Variants in DIP2C observed in about 807,000 individuals in gnomAD.
DIP2C encodes DIP2 acetate--CoA ligase C (putative).
DIP2C carries 33 observed loss-of-function variants against 192.4 expected under a neutral mutation model. That is an observed-to-expected ratio of 0.17 (90% CI 0.13 to 0.23). The LOEUF (loss-of-function observed/expected upper bound fraction) is 0.23. DIP2C is among the 10% of genes least tolerant of loss of function. DIP2C has a pLI of 1.00. For synonymous variants in DIP2C, 979 were observed against 864.1 expected, an observed-to-expected ratio of 1.13 and a Z score of -2.33; for missense variants, 1,537 against 2,110.1, an observed-to-expected ratio of 0.73 and a Z score of 5.32.
chr10:571,203 A>C (rs1347711055), intron 1 of DIP2C, among the ~76,000 whole-genome samples: 1 of 152,210 alleles, frequency 6.6e-6, no homozygotes, highest in Non-Finnish European at 1.5e-5. Context: ...CCACAGGGAG[A>C]AGCACTTCTC....
chr10:276,633 TTATC>T lies in DIP2C; in HGVS notation c.*688_*691del, dbSNP rs1564492825. On this transcript the variant is annotated 3_prime_UTR_variant, in exon 37 of 37. Coordinates refer to ENST00000280886, the MANE Select transcript of DIP2C (RefSeq NM_014974.3). The stretch of plus-strand genomic sequence containing the variant: ...TACATATTGAGGAAGTTAACTTATT[TTATC>T]TTTTTAGTTTAGTACAAAGATATTT... 1 of 152,636 alleles carries T rather than the reference TTATC, an allele frequency of 6.6e-6. No homozygotes were observed. Among genetic ancestry groups the T allele is most frequent in the East Asian group, 1.9e-4 (1 of 5,208 alleles). 9.5% of individuals were successfully genotyped at this position (152,636 alleles called of 1,614,324 possible). A position where few individuals can be genotyped will look rare whatever the true frequency, so the allele number is the denominator to read the frequency against.
intron 1 of DIP2C, among the ~76,000 whole-genome samples, chr10:522,721 G>A (rs891178974): frequency 2.0e-5 from 3 of 152,228 alleles, no homozygotes; most frequent in Admixed American, 6.5e-5. Context: ...TTTTCATCAG[G>A]TGGTTCATTT....
Position 310,025 on chromosome 10 carries a change from C to G in DIP2C, c.3986+6G>C. 6.2e-7 allele frequency: 1 copy of G among 1,614,020 alleles called. No homozygotes were observed. The highest frequency in any genetic ancestry group is 8.5e-7 in the Non-Finnish European group (1 of 1,179,940). On this transcript the variant is annotated splice_donor_region_variant and intron_variant, in intron 32 of 36. Coordinates refer to ENST00000280886, the MANE Select transcript of DIP2C (RefSeq NM_014974.3). ...AAAAAAGAAAAAACCCAGAAGTGTA[C>G]AGTACCTGTCGTGTCTCAGGGCTCT...
chr10:625,914 G>T (rs937205453), intron 1 of DIP2C, among the ~76,000 whole-genome samples: 3 of 152,164 alleles, frequency 2.0e-5, no homozygotes, highest in African/African-American at 7.2e-5. Context: ...CTGACCACAG[G>T]AGTCCCTGGA....
chr10:329,567 G>A lies in DIP2C; in HGVS notation c.3619C>T (p.Pro1207Ser). 2 of 1,614,202 alleles carry A rather than the reference G, an allele frequency of 1.2e-6. No homozygotes were observed. The highest frequency in any genetic ancestry group is 1.7e-6 in the Non-Finnish European group (2 of 1,180,038). The change falls in exon 30 of 37, where the codon CCC (proline) becomes TCC (serine). Residue 1207 changes from proline to serine, a missense_variant. Physicochemically the swap from Pro to Ser is moderately conservative, Grantham distance 74. Around this residue, in one of 4 missense-constraint regions of DIP2C, gnomAD observed 341 missense variants for 551.7 expected, o/e 0.62. Transcript: ENST00000280886. ...GCGGGGTTGGTTTCCAGCTCAGAGG[G>A]CGGGATCAGGATGGACTGGTGCCCA... Reference protein sequence around the residue: ...YSGHQSILIPPSELETNPALW... With the variant: ...YSGHQSILIPSSELETNPALW...
intron 1 of DIP2C, 72 bp from the exon 2 acceptor site, chr10:486,602 A>T: frequency 1.5e-6 from 2 of 1,300,952 alleles, no homozygotes; most frequent in Non-Finnish European, 2.1e-6. Context: ...GGTGCCCAAG[A>T]AGACACAGTT....
chr10:311,097 GA>G (rs1956546561), intron 31 of DIP2C, among the ~76,000 whole-genome samples: 1 of 151,954 alleles, frequency 6.6e-6, no homozygotes, highest in Non-Finnish European at 1.5e-5. Flanking sequence ...TCTCACCACT[GA>G]GACAGGGAAA....
chr10:675,525 C>A (rs1830843599), intron 1 of DIP2C, among the ~76,000 whole-genome samples: 1 of 151,148 alleles, frequency 6.6e-6, no homozygotes, highest in South Asian at 2.1e-4. Flanking sequence ...ATAGACAAAC[C>A]ATTAGCTACA....
rs1050938124 is a variant in DIP2C, at chr10:450,362, C to G, written c.269-9366G>C. ...TGTCAGGATCTGGCACCTTGACTCA[C>G]TTCTACAGATTTAAGATGTTTACGT... On this transcript the variant is annotated intron_variant, in intron 3 of 36. Coordinates refer to ENST00000280886, the MANE Select transcript of DIP2C (RefSeq NM_014974.3). Among the ~76,000 whole-genome samples, 3 of 152,226 alleles carry G rather than the reference C, an allele frequency of 2.0e-5. No individual in the cohort carries two copies. In the South Asian group the frequency reaches 6.2e-4, roughly 32 times the overall value.
chr10:365,034 A>G, intron 19 of DIP2C: 1 of 529,786 alleles, frequency 1.9e-6, no homozygotes, highest in Non-Finnish European at 3.9e-6. Flanking sequence ...GAAAAGAAAA[A>G]TATTAAGGAA....
chr10:682,094 G>A (rs1831155228), intron 1 of DIP2C, among the ~76,000 whole-genome samples: 1 of 152,238 alleles, frequency 6.6e-6, no homozygotes, highest in South Asian at 2.1e-4. Flanking sequence ...TTGCTGGTCT[G>A]CTGACCATGG....
intron 1 of DIP2C, among the ~76,000 whole-genome samples, chr10:614,777 C>A (rs1305188117): frequency 6.6e-6 from 1 of 152,224 alleles, no homozygotes; most frequent in Non-Finnish European, 1.5e-5. Context: ...CCGGGTATCG[C>A]GGCTCCAGGG....
At chr10:640,112 C>CGCCTGTGG (rs1438899649) in intron 1 of DIP2C, among the ~76,000 whole-genome samples, 45 of 152,338 alleles carry the variant, frequency 3.0e-4, no homozygotes, top group African/African-American at 1.1e-3. Context: ...ATACCCGCCA[C>CGCCTGTGG]GCCTGTGGGC....
intron 1 of DIP2C, among the ~76,000 whole-genome samples, chr10:676,748 C>T (rs540051996): frequency 7.0e-4 from 106 of 151,986 alleles, no homozygotes; most frequent in Non-Finnish European, 1.2e-3. Context: ...AATATTCTAC[C>T]CTCTGAGGGT....
At chr10:631,769 G>A (rs1854534553) in intron 1 of DIP2C, among the ~76,000 whole-genome samples, 1 of 152,150 alleles carries the variant, frequency 6.6e-6, no homozygotes, top group South Asian at 2.1e-4. Flanking sequence ...TGCATTCCCG[G>A]GAGCAGAGAG....
intron 17 of DIP2C, among the ~76,000 whole-genome samples, chr10:378,762 GAC>G (rs1961991162): frequency 6.6e-6 from 1 of 151,984 alleles, no homozygotes; most frequent in East Asian, 1.9e-4. Flanking sequence ...CACATGCCTA[GAC>G]ACGTGAACAC....
At chr10:551,287 C>A (rs1177422683) in intron 1 of DIP2C, among the ~76,000 whole-genome samples, 2 of 152,130 alleles carry the variant, frequency 1.3e-5, no homozygotes, top group African/African-American at 4.8e-5. Flanking sequence ...GCCGCCCACC[C>A]CGCCATGGAG....
intron 1 of DIP2C, among the ~76,000 whole-genome samples, chr10:560,682 C>A (rs530420764): frequency 1.3e-5 from 2 of 152,298 alleles, no homozygotes; most frequent in South Asian, 2.1e-4. Flanking sequence ...TCCACAGAAA[C>A]AACGTAATCA....
At chr10:672,939 G>C (rs1830719311) in intron 1 of DIP2C, among the ~76,000 whole-genome samples, 1 of 152,202 alleles carries the variant, frequency 6.6e-6, no homozygotes, top group Admixed American at 6.5e-5. Context: ...TGTAGGAATT[G>C]TACAGTGAAT....
Sources: gnomAD v4.1 joint callset for allele counts (sites outside exome capture counted in the v4.1 genomes callset) on GRCh38, gnomAD v4.1.1 for gene constraint, gnomAD v4.1.1 regional missense constraint, MANE v1.5 for transcripts, NCBI Gene and HGNC (gene_info 2026-07-23, HGNC 2026-07-21) for gene names.